JAK1: variants seen among roughly 807,000 people sequenced by gnomAD.
The protein encoded by JAK1 is Janus kinase 1.
JAK1 carries 16 observed loss-of-function variants against 136.6 expected under a neutral mutation model. The ratio of observed to expected loss-of-function variants is 0.12; its 90% CI spans 0.08 to 0.18. JAK1 has a LOEUF of 0.18. Among genes scored for constraint, JAK1 ranks in the 10% least tolerant of loss-of-function variants. The probability of loss-of-function intolerance (pLI) is 1.00; values close to 1 mark genes in which losing one functional copy is unlikely to be tolerated. For synonymous variants in JAK1, 492 were observed against 519.5 expected (o/e 0.95, Z 0.72); for missense variants, 859 against 1,450.1 (o/e 0.59, Z 6.62).
chr1:64,906,333 A>T (rs1190348109), intron 1 of JAK1, among the ~76,000 whole-genome samples: 1 of 151,638 alleles, frequency 6.6e-6, no homozygotes. Flanking sequence ...CTACCTCTTC[A>T]GCATCTCTAC....
chr1:64,862,941 A>G (rs1656439973), intron 8 of JAK1, among the ~76,000 whole-genome samples: 1 of 152,200 alleles, frequency 6.6e-6, no homozygotes, highest in East Asian at 1.9e-4. Context: ...TAAGGTTCTT[A>G]CAAGGACTAA....
intron 3 of JAK1, among the ~76,000 whole-genome samples, chr1:64,880,875 A>T (rs541152996): frequency 7.9e-5 from 12 of 152,210 alleles, no homozygotes; most frequent in African/African-American, 2.9e-4. Flanking sequence ...TGAACCTGGG[A>T]GGTGGAGGTA....
intron 1 of JAK1, among the ~76,000 whole-genome samples, chr1:65,051,441 T>A (rs1285648438): frequency 6.6e-6 from 1 of 152,116 alleles, no homozygotes; most frequent in Non-Finnish European, 1.5e-5. Flanking sequence ...TCAGCAAATG[T>A]AGCACTCCTC....
chr1:65,001,015 C>T (rs1001356644), intron 2 of JAK1, among the ~76,000 whole-genome samples: 1 of 151,768 alleles, frequency 6.6e-6, no homozygotes, highest in Non-Finnish European at 1.5e-5. Flanking sequence ...CATTCATATT[C>T]CCAACATTCC....
intron 13 of JAK1, 154 bp from the exon 14 acceptor site, chr1:64,846,890 A>T: frequency 1.6e-6 from 1 of 622,746 alleles, no homozygotes; most frequent in South Asian, 1.9e-5. Context: ...TTGGCTGTCC[A>T]GAGGCACTGC....
At chr1:64,982,962 C>T (rs1287933093) in intron 2 of JAK1, among the ~76,000 whole-genome samples, 1 of 152,074 alleles carries the variant, frequency 6.6e-6, no homozygotes, top group Admixed American at 6.6e-5. Context: ...AGAAGGTCAC[C>T]TTTTCCAGCT....
chr1:64,879,179 A>G, intron 3 of JAK1, 31 bp from the exon 4 acceptor site: 4 of 1,612,464 alleles, frequency 2.5e-6, no homozygotes, highest in Non-Finnish European at 3.4e-6. Flanking sequence ...ACATCAGAAA[A>G]TCAAGGCGGA....
At chr1:64,926,177 C>T (rs1645578641) in intron 1 of JAK1, among the ~76,000 whole-genome samples, 1 of 152,184 alleles carries the variant, frequency 6.6e-6, no homozygotes, top group African/African-American at 2.4e-5. Flanking sequence ...TGAGTGCTGG[C>T]TCTAACCTAT....
chr1:64,879,004 C>G, intron 4 of JAK1, 21 bp downstream of exon 4: 1 of 1,613,226 alleles, frequency 6.2e-7, no homozygotes, highest in Non-Finnish European at 8.5e-7. Context: ...CAGGCAGGTA[C>G]CAGGTCAGTA....
chr1:64,984,950 G>T lies in JAK1; in HGVS notation c.-78+59530C>A. Reference sequence around the variant, plus strand: ...CAGCCACAATAAACCAGGGAATGTGGTCTGGCCCAATTTCAAAGAAGACCA... The same window carrying T: ...CAGCCACAATAAACCAGGGAATGTGTTCTGGCCCAATTTCAAAGAAGACCA... On this transcript the variant is annotated intron_variant, in intron 2 of 25. Transcript: ENST00000671954. The surrounding 1 kb of genome is among the most constrained non-coding windows in gnomAD (Gnocchi z 4.1). 2 of 1,052,022 alleles carry T rather than the reference G, an allele frequency of 1.9e-6. No homozygotes were observed. The highest frequency in any genetic ancestry group is 1.6e-5 in the African/African-American group (1 of 64,210). The allele number at this position is 1,052,022 out of a possible 1,614,324, so 65.2% of individuals were successfully genotyped here.
intron 1 of JAK1, among the ~76,000 whole-genome samples, chr1:64,919,386 T>C (rs965594425): frequency 1.3e-5 from 2 of 152,250 alleles, no homozygotes; most frequent in Non-Finnish European, 2.9e-5. Context: ...ATGGTGTATA[T>C]GTGCCACAGT....
rs143646730 is a variant in JAK1, at chr1:65,007,377, C to A, written c.-78+37103G>T. Among the ~76,000 whole-genome samples, 210 of 152,324 alleles carry A rather than the reference C, an allele frequency of 1.4e-3. 3 individuals are homozygous for A. The highest frequency in any genetic ancestry group is 4.7e-3 in the African/African-American group (197 of 41,582). ...CCCATGGATCAGATAACCACCACAT[C>A]ACTCCTGTGGTGACCCGAGTCTGGT... On this transcript the variant is annotated intron_variant, in intron 2 of 25. Transcript: ENST00000671954.
At chr1:65,017,547 A>G (rs1393790022) in intron 2 of JAK1, among the ~76,000 whole-genome samples, 1 of 152,226 alleles carries the variant, frequency 6.6e-6, no homozygotes, top group Non-Finnish European at 1.5e-5. Context: ...GAGATTATCT[A>G]TATTTCATTC....
At position 64,883,493 on chromosome 1, in the gene JAK1, C is replaced by G; in HGVS notation, c.7-18G>C. ...TTTAGATACTGTTGTGGAAGGAAAA[C>G]AAGACTATGTGGTCACTCTATGTGC... On this transcript the variant is annotated intron_variant, in intron 2 of 24. Transcript: ENST00000342505. 3 of 1,604,634 alleles carry G rather than the reference C, an allele frequency of 1.9e-6. No individual in the cohort carries two copies. The highest frequency in any genetic ancestry group is 2.6e-6 in the Non-Finnish European group (3 of 1,171,978).
intron 1 of JAK1, among the ~76,000 whole-genome samples, chr1:64,934,833 G>A (rs1243499274): frequency 2.6e-5 from 4 of 152,280 alleles, no homozygotes; most frequent in South Asian, 4.1e-4. Context: ...TGGGGGCTAT[G>A]ATTATATTTT....
At chr1:64,871,888 C>T (rs1210511769) in intron 5 of JAK1, among the ~76,000 whole-genome samples, 1 of 152,198 alleles carries the variant, frequency 6.6e-6, no homozygotes, top group Non-Finnish European at 1.5e-5. Flanking sequence ...CAAGAATCAT[C>T]GACTTGAAAC....
rs189390238 is a variant in JAK1 at position 65,061,131 on chromosome 1, G to A, written c.-181+6473C>T. ...CAAAGAACTTTTAAAATAACGTGGAGTACAAGGCCAGGCATGGTGGCTCAC... is the reference window on the plus strand; with the variant it reads ...CAAAGAACTTTTAAAATAACGTGGAATACAAGGCCAGGCATGGTGGCTCAC... On this transcript the variant is annotated intron_variant, in intron 1 of 25. Transcript: ENST00000671954. 7.2e-5 allele frequency among the ~76,000 whole-genome samples: 11 copies of A among 152,280 alleles called. No homozygotes were observed. In the East Asian group the frequency reaches 1.7e-3, roughly 24 times the overall value.
intron 2 of JAK1, among the ~76,000 whole-genome samples, chr1:65,023,791 C>T (rs993709053): frequency 2.6e-5 from 4 of 152,042 alleles, no homozygotes; most frequent in Non-Finnish European, 5.9e-5. Context: ...CTGAGGGAAC[C>T]ACTTTCTAAT....
chr1:64,953,441 A>G (rs1366360041), intron 1 of JAK1, among the ~76,000 whole-genome samples: 1 of 152,210 alleles, frequency 6.6e-6, no homozygotes. Flanking sequence ...CACGCTTTTC[A>G]TAACACCACA....
Sources: allele counts gnomAD v4.1 joint callset (sites outside exome capture counted in the v4.1 genomes callset), GRCh38; gene constraint gnomAD v4.1.1; non-coding constraint Gnocchi (gnomAD v3.1); transcripts MANE v1.5; gene names NCBI Gene and HGNC (gene_info 2026-07-23, HGNC 2026-07-21).